Variants in SPC25 observed in about 807,000 individuals in gnomAD.
The protein encoded by SPC25 is SPC25 component of NDC80 kinetochore complex, also known as kinetochore protein Spc25.
Under a neutral mutation model 29.6 loss-of-function variants are expected in SPC25, and 22 were observed. The observed-to-expected ratio is 0.74, with a 90% CI of 0.53 to 1.06. SPC25 has a LOEUF of 1.06. SPC25 is among the 50% of genes least tolerant of loss of function. SPC25 has a pLI of 0.00. For missense variants in SPC25, 230 were observed against 255.8 expected, an observed-to-expected ratio of 0.90 and a Z score of 0.69; for synonymous variants, 91 against 90.4, an observed-to-expected ratio of 1.01 and a Z score of -0.04.
chr2:168,861,965 G>C, intron 4 of SPC25: 2 of 1,614,008 alleles, frequency 1.2e-6, no homozygotes, highest in Non-Finnish European at 1.7e-6. Context: ...TTCAGCCCCT[G>C]GTGCAGCCCA....
intron 3 of SPC25, among the ~76,000 whole-genome samples, chr2:168,881,498 C>A (rs2105830636): frequency 6.6e-6 from 1 of 152,248 alleles, no homozygotes; most frequent in South Asian, 2.1e-4. Context: ...AATCAGGGGG[C>A]TAGACAAAGC....
At chr2:168,877,548 CCTAAT>C (rs1484261282) in intron 3 of SPC25, among the ~76,000 whole-genome samples, 164 bp from the exon 4 acceptor site, 3 of 151,590 alleles carry the variant, frequency 2.0e-5, no homozygotes, top group Non-Finnish European at 2.9e-5. Context: ...AGAAAAAAAA[CCTAAT>C]CTATTCTTTC....
At chr2:168,877,797 T>C (rs1410242667) in intron 3 of SPC25, among the ~76,000 whole-genome samples, 1 of 152,062 alleles carries the variant, frequency 6.6e-6, no homozygotes, top group African/African-American at 2.4e-5. Flanking sequence ...AGTGGCACAA[T>C]CACTACTCAT....
At position 168,871,357 on chromosome 2, in the gene SPC25, TAATAA is replaced by T; in HGVS notation, c.*69_*73del. ...TACCCTAAAACTTAAAGTATAATAA[TAATAA>T]AAACAAGAAAAAAAGAGATATGTAA... On this transcript the variant is annotated 3_prime_UTR_variant, in exon 7 of 7. Transcript: ENST00000282074. 7.8e-7 allele frequency: 1 copy of T among 1,278,074 alleles called. No homozygotes were observed. The allele number at this position is 1,278,074 out of a possible 1,614,324, so 79.2% of individuals were successfully genotyped here. A position where few individuals can be genotyped will look rare whatever the true frequency, so the allele number is the denominator to read the frequency against.
chr2:168,862,310 ATTCCCAT>A (rs1433556390), intron 4 of SPC25, among the ~76,000 whole-genome samples: 5 of 152,194 alleles, frequency 3.3e-5, no homozygotes, highest in Admixed American at 1.3e-4. Context: ...TTTTATTGGT[ATTCCCAT>A]TTCATAGCAG....
intron 3 of SPC25, among the ~76,000 whole-genome samples, chr2:168,887,067 G>A (rs949936577): frequency 6.6e-6 from 1 of 151,984 alleles, no homozygotes; most frequent in African/African-American, 2.4e-5. Flanking sequence ...TTTGCTTATG[G>A]TTACAGAGGG....
chr2:168,875,017 A>G (rs998745616), intron 5 of SPC25, among the ~76,000 whole-genome samples: 1 of 152,172 alleles, frequency 6.6e-6, no homozygotes, highest in African/African-American at 2.4e-5. Context: ...ATTGCCATAC[A>G]TTAGCGATGT....
chr2:168,869,613 T>A (rs200082819), downstream of SPC25, among the ~76,000 whole-genome samples: 2 of 152,056 alleles, frequency 1.3e-5, no homozygotes, highest in Non-Finnish European at 2.9e-5. Flanking sequence ...CACAATTGCT[T>A]CAAAGAGAAT....
At chr2:168,886,755 G>A (rs983869613) in intron 3 of SPC25, among the ~76,000 whole-genome samples, 34 of 152,024 alleles carry the variant, frequency 2.2e-4, no homozygotes, top group South Asian at 4.2e-4. Flanking sequence ...TCCTGACCTC[G>A]TGATCCGCCC....
chr2:168,863,735 G>C (rs1437208399), intron 4 of SPC25: 1 of 845,498 alleles, frequency 1.2e-6, no homozygotes, highest in Non-Finnish European at 1.4e-6. Flanking sequence ...TTGATCTTAA[G>C]AAAAGACTGT....
chr2:168,876,600 CTT>C (rs34758857), intron 4 of SPC25, among the ~76,000 whole-genome samples: 3 of 142,828 alleles, frequency 2.1e-5, no homozygotes, highest in Non-Finnish European at 4.5e-5. Context: ...TTAGTTTTTT[CTT>C]TTTTTTTTTT....
chr2:168,866,782 A>AG (rs1689863347), downstream of SPC25, among the ~76,000 whole-genome samples: 1 of 35,496 alleles, frequency 2.8e-5, no homozygotes, highest in African/African-American at 3.2e-4. Flanking sequence ...ATTTACAAGA[A>AG]AAAAACAACC....
chr2:168,883,629 T>C (rs1690212292), intron 3 of SPC25, among the ~76,000 whole-genome samples: 1 of 152,184 alleles, frequency 6.6e-6, no homozygotes, highest in South Asian at 2.1e-4. Flanking sequence ...GGTTAGAGTA[T>C]CCAGTAATAA....
chr2:168,887,283 G>A (rs552033011), intron 3 of SPC25, among the ~76,000 whole-genome samples: 169 of 151,446 alleles, frequency 1.1e-3, no homozygotes, highest in African/African-American at 3.9e-3. Context: ...TTAGTGGTGC[G>A]TGGTGGTGCG....
intron 4 of SPC25, 85 bp from the exon 5 acceptor site, chr2:168,876,261 A>T (rs1000816655): frequency 1.0e-6 from 1 of 965,568 alleles, no homozygotes; most frequent in Non-Finnish European, 1.5e-6. Context: ...ACTTAAAATC[A>T]ACTATAAAAT....
At chr2:168,866,385 C>T (rs1483738240), downstream of SPC25, among the ~76,000 whole-genome samples, 1 of 152,126 alleles carries the variant, frequency 6.6e-6, no homozygotes, top group African/African-American at 2.4e-5. Context: ...GAAAGGATTC[C>T]CTATTTAATA....
chr2:168,865,853 G>C (rs1196495106), intron 4 of SPC25, among the ~76,000 whole-genome samples: 1 of 152,220 alleles, frequency 6.6e-6, no homozygotes, highest in Non-Finnish European at 1.5e-5. Context: ...GCCAAATCAT[G>C]AGTGAACTCC....
chr2:168,884,394 C>T (rs1690224502), intron 3 of SPC25, among the ~76,000 whole-genome samples: 1 of 152,166 alleles, frequency 6.6e-6, no homozygotes, highest in Non-Finnish European at 1.5e-5. Flanking sequence ...AATAGATGAT[C>T]TTCCTTCTTG....
chr2:168,886,408 A>G (rs1025051885), intron 3 of SPC25, among the ~76,000 whole-genome samples: 5 of 152,084 alleles, frequency 3.3e-5, no homozygotes, highest in African/African-American at 9.7e-5. Context: ...CAATATTGTG[A>G]GTAGATTATA....
Sources: gnomAD v4.1 joint callset for allele counts (sites outside exome capture counted in the v4.1 genomes callset) on GRCh38, gnomAD v4.1.1 for gene constraint, MANE v1.5 for transcripts, NCBI Gene and HGNC (gene_info 2026-07-23, HGNC 2026-07-21) for gene names.